Variants in FMN2 observed in about 807,000 individuals in gnomAD.
The protein encoded by FMN2 is formin 2.
A neutral mutation model predicts 142.3 loss-of-function variants in FMN2; 51 were observed. The observed-to-expected ratio is 0.36, with a 90% CI of 0.29 to 0.45. The LOEUF (loss-of-function observed/expected upper bound fraction) is 0.45. FMN2 is among the 20% of genes least tolerant of loss of function. FMN2 has a pLI of 1.00. For missense variants in FMN2, 1,936 were observed against 2,122.8 expected, an observed-to-expected ratio of 0.91 and a Z score of 1.73; for synonymous variants, 882 against 869.8, an observed-to-expected ratio of 1.01 and a Z score of -0.25.
intron 3 of FMN2, chr1:240,180,183 A>G: frequency 7.8e-7 from 1 of 1,282,032 alleles, no homozygotes; most frequent in Non-Finnish European, 1.0e-6. Flanking sequence ...TGATGGAGGT[A>G]AGAAGTAATT....
intron 6 of FMN2, among the ~76,000 whole-genome samples, chr1:240,224,580 T>C (rs1667236333): frequency 6.6e-6 from 1 of 152,124 alleles, no homozygotes; most frequent in Admixed American, 6.6e-5. Context: ...TGTCAAATGT[T>C]GACAGTGGGG....
At chr1:240,299,989 C>T (rs980074938) in intron 8 of FMN2, among the ~76,000 whole-genome samples, 4 of 152,180 alleles carry the variant, frequency 2.6e-5, no homozygotes, top group African/African-American at 9.7e-5. Context: ...CTTCCTACTT[C>T]CTGCAGACTC....
chr1:240,164,639 AAAG>A (rs1348449926), intron 2 of FMN2, among the ~76,000 whole-genome samples: 3 of 152,198 alleles, frequency 2.0e-5, no homozygotes, highest in Non-Finnish European at 2.9e-5. Flanking sequence ...GCAGTTTAAA[AAAG>A]ATCATTACAC....
chr1:240,448,033 A>G (rs78872424), intron 16 of FMN2, among the ~76,000 whole-genome samples: 2,775 of 152,242 alleles, frequency 0.018, 72 homozygotes, highest in African/African-American at 0.063. Flanking sequence ...AAAATCTAAC[A>G]TCGGTCCCTC....
Position 240,276,822 on chromosome 1 carries a change from A to T in FMN2, c.4154-18000A>T, listed in dbSNP as rs1041973857. Among the ~76,000 whole-genome samples, 7 of 152,304 alleles carry T rather than the reference A, an allele frequency of 4.6e-5. No homozygotes were observed. In the South Asian group the frequency reaches 6.2e-4, roughly 14 times the overall value. ...GTAAGAATCAGATCAAGTGGCAAGG[A>T]CGAAGAGAGATGTATTCTATATTGA... On this transcript the variant is annotated intron_variant, in intron 7 of 17. Coordinates refer to ENST00000319653, the MANE Select transcript of FMN2 (RefSeq NM_020066.5).
rs185748522 is a variant in FMN2, at chr1:240,412,531, G to A, written c.4910+19969G>A. On this transcript the variant is annotated intron_variant, in intron 15 of 17. Coordinates refer to ENST00000319653, the MANE Select transcript of FMN2 (RefSeq NM_020066.5). ...CATAACTGGAGAGAAAATCTGCCTT[G>A]TAGGGTAGACAATTATTGTAGTCAC... Among the ~76,000 whole-genome samples the A allele has an allele frequency of 1.7e-3, 265 of 152,212 alleles. 2 individuals are homozygous for A. The highest frequency in any genetic ancestry group is 5.6e-4 in the Non-Finnish European group (38 of 68,010).
intron 6 of FMN2, among the ~76,000 whole-genome samples, chr1:240,237,553 T>A (rs1263769640): frequency 1.3e-5 from 2 of 152,350 alleles, no homozygotes. Flanking sequence ...GGTCTTTTTA[T>A]CTTGGGATGG....
At chr1:240,176,366 C>T (rs769623756) in intron 2 of FMN2, among the ~76,000 whole-genome samples, 5 of 152,170 alleles carry the variant, frequency 3.3e-5, no homozygotes, top group Non-Finnish European at 5.9e-5. Context: ...AGAGCGTGGC[C>T]AGCTTGCCAC....
chr1:240,209,400 GCCA>G (rs1558366932), intron 5 of FMN2, among the ~76,000 whole-genome samples: 2 of 151,398 alleles, frequency 1.3e-5, no homozygotes, highest in Admixed American at 6.6e-5. Context: ...ACAGGCGCCC[GCCA>G]CCACGCCCGG....
At chr1:240,406,434 A>G (rs1489360939) in intron 15 of FMN2, among the ~76,000 whole-genome samples, 3 of 151,942 alleles carry the variant, frequency 2.0e-5, no homozygotes, top group Non-Finnish European at 4.4e-5. Flanking sequence ...GGCGGCGTCT[A>G]GTGCCTCTGT....
At chr1:240,113,647 A>G (rs1661906820) in intron 1 of FMN2, among the ~76,000 whole-genome samples, 1 of 151,668 alleles carries the variant, frequency 6.6e-6, no homozygotes, top group Admixed American at 6.6e-5. Flanking sequence ...TCCTAATCCT[A>G]TTTAGTAGGT....
At chr1:240,147,763 C>T (rs576366162) in intron 2 of FMN2, among the ~76,000 whole-genome samples, 12 of 152,300 alleles carry the variant, frequency 7.9e-5, no homozygotes, top group Non-Finnish European at 1.3e-4. Context: ...CCTTAGCTAC[C>T]TGCTGGCTAG....
intron 6 of FMN2, among the ~76,000 whole-genome samples, chr1:240,214,468 G>A (rs373233945): frequency 6.3e-4 from 95 of 150,970 alleles, no homozygotes; most frequent in Non-Finnish European, 1.1e-3. Flanking sequence ...GGAGAATGGC[G>A]TGAACCCGGG....
intron 8 of FMN2, among the ~76,000 whole-genome samples, chr1:240,299,935 C>T (rs978074885): frequency 5.3e-5 from 8 of 152,146 alleles, no homozygotes; most frequent in African/African-American, 1.9e-4. Flanking sequence ...AATAAGGTGG[C>T]GCGCTGTATG....
At position 240,219,740 on chromosome 1, in the gene FMN2, G is replaced by A. The variant is rs564714765; in HGVS notation, c.4065+8505G>A. On this transcript the variant is annotated intron_variant, in intron 6 of 17. Coordinates refer to ENST00000319653, the MANE Select transcript of FMN2 (RefSeq NM_020066.5). ...TATGATCATGGCTCACTGCAGCCTC[G>A]ACTTCCCTGGCTCGAGCAATCCTCT... 7.2e-5 allele frequency among the ~76,000 whole-genome samples: 11 copies of A among 151,890 alleles called. No homozygotes were observed. The South Asian group carries it at 1.9e-3, about 26-fold the overall frequency.
chr1:240,092,122 G>A lies in FMN2; in HGVS notation c.13G>A (p.Asp5Asn). 6.4e-7 allele frequency: 1 copy of A among 1,553,988 alleles called. No homozygotes were observed. Among genetic ancestry groups the A allele is most frequent in the Non-Finnish European group, 8.7e-7 (1 of 1,149,740 alleles). MGNQ[D>N]GKLKRSAGDA... ...GCGGGATTGCACCATGGGGAACCAG[G>A]ATGGGAAGCTGAAGAGGAGCGCAGG... Residue 5 changes from aspartate to asparagine, a missense_variant, in exon 1 of 18, where the codon GAT (aspartate) becomes AAT (asparagine). Physicochemically the swap from Asp to Asn is conservative, Grantham distance 23. This residue lies in a region of FMN2 where 751 missense variants were observed against 791.8 expected (regional missense o/e 0.95). Coordinates refer to ENST00000319653, the MANE Select transcript of FMN2 (RefSeq NM_020066.5).
intron 2 of FMN2, among the ~76,000 whole-genome samples, chr1:240,177,222 C>T (rs1374225454): frequency 1.3e-5 from 2 of 152,160 alleles, no homozygotes; most frequent in African/African-American, 2.4e-5. Flanking sequence ...GTTTATAGGC[C>T]ATGGAGCAGG....
chr1:240,429,261 CATGT>C (rs1675057176), intron 15 of FMN2, among the ~76,000 whole-genome samples: 1 of 152,170 alleles, frequency 6.6e-6, no homozygotes, highest in African/African-American at 2.4e-5. Context: ...GTTCAGTAGA[CATGT>C]CGTCTTCCTG....
At chr1:240,368,925 T>A (rs1414413917) in intron 14 of FMN2, among the ~76,000 whole-genome samples, 3 of 148,100 alleles carry the variant, frequency 2.0e-5, no homozygotes, top group Non-Finnish European at 4.4e-5. Context: ...TTCTTTTTAT[T>A]GTGTATATTT....
Sources: gnomAD v4.1 joint callset for allele counts (sites outside exome capture counted in the v4.1 genomes callset) on GRCh38, gnomAD v4.1.1 for gene constraint, gnomAD v4.1.1 regional missense constraint, MANE v1.5 for transcripts, NCBI Gene and HGNC (gene_info 2026-07-23, HGNC 2026-07-21) for gene names.